The following ACBD5 variants were observed in gnomAD, a reference collection of about 807,000 sequenced individuals.
ACBD5 encodes the protein acyl-CoA binding domain containing 5.
Under a neutral mutation model 71.8 loss-of-function variants are expected in ACBD5, and 40 were observed. The observed-to-expected ratio is 0.56, with a 90% CI of 0.43 to 0.72. ACBD5 has a LOEUF of 0.72. Among genes scored for constraint, ACBD5 ranks in the 30% least tolerant of loss-of-function variants. The pLI is 0.00. For missense variants in ACBD5, 559 were observed against 644.5 expected (o/e 0.87, Z 1.44); for synonymous variants, 229 against 218.6 (o/e 1.05, Z -0.42).
intron 6 of ACBD5, 138 bp downstream of exon 6, chr10:27,219,585 A>G: frequency 8.5e-7 from 1 of 1,172,582 alleles, no homozygotes; most frequent in Non-Finnish European, 1.2e-6. Context: ...TTTGGTCCAC[A>G]GCAAACTTGT....
At chr10:27,219,944 T>A in intron 5 of ACBD5, 87 bp from the exon 6 acceptor site, 1 of 1,210,420 alleles carries the variant, frequency 8.3e-7, no homozygotes, top group Non-Finnish European at 1.1e-6. Context: ...AATTTACAAA[T>A]AACTAATAAA....
chr10:27,240,235 TAAAC>T lies in ACBD5; in HGVS notation c.181+80_181+83del, dbSNP rs1254944759. On this transcript the variant is annotated intron_variant, in intron 2 of 12. Transcript: ENST00000396271. This position sits in a 1 kb window ranked among gnomAD's most constrained non-coding sequence, Gnocchi z 4.1. ...CTCCTACACAGAAAAAAAGGCTAAA[TAAAC>T]AACACTAGAACCAGAAAGTGAAAGG... 1.2e-6 allele frequency: 2 copies of T among 1,609,076 alleles called. No individual in the cohort carries two copies. The highest frequency in any genetic ancestry group is 1.3e-5 in the African/African-American group (1 of 74,780).
rs551282400 is a variant in ACBD5, at chr10:27,196,361, G to T, written c.*1069C>A. 1 of 454,190 alleles carries T rather than the reference G, an allele frequency of 2.2e-6. No homozygotes were observed. The highest frequency in any genetic ancestry group is 1.6e-5 in the South Asian group (1 of 64,478). 28.1% of individuals were successfully genotyped at this position (454,190 alleles called of 1,614,324 possible). A position where few individuals can be genotyped will look rare whatever the true frequency, so the allele number is the denominator to read the frequency against. Reference sequence around the variant, plus strand: ...CTAGATGAGAGAGGTGGGGAAGAGGGACTTAAATTTCTGTTAGCTGGGCAT... The same window carrying T: ...CTAGATGAGAGAGGTGGGGAAGAGGTACTTAAATTTCTGTTAGCTGGGCAT... On this transcript the variant is annotated 3_prime_UTR_variant, in exon 13 of 13. Coordinates refer to ENST00000396271, the MANE Select transcript of ACBD5 (RefSeq NM_145698.5).
rs2797078 is a variant in ACBD5, at chr10:27,240,620, C to G, written c.15+54G>C. The stretch of plus-strand genomic sequence containing the variant: ...GCGGCCCGGCTCCTTCCTCCTCCCC[C>G]GGGGCGTGACTAAGGCCACGAATCC... On this transcript the variant is annotated intron_variant, in intron 1 of 12. Coordinates refer to ENST00000396271, the MANE Select transcript of ACBD5 (RefSeq NM_145698.5). The surrounding 1 kb of genome is among the most constrained non-coding windows in gnomAD (Gnocchi z 4.1). 6.4e-7 allele frequency: 1 copy of G among 1,550,526 alleles called. No individual in the cohort carries two copies. The highest frequency in any genetic ancestry group is 2.0e-5 in the Admixed American group (1 of 50,942).
chr10:27,217,145 CAAA>C (rs375519969), intron 7 of ACBD5, among the ~76,000 whole-genome samples: 1 of 83,228 alleles, frequency 1.2e-5, no homozygotes. Flanking sequence ...GACTCTGTCT[CAAA>C]AAAAAAAAAA....
At chr10:27,206,739 C>A (rs945509020) in intron 10 of ACBD5, among the ~76,000 whole-genome samples, 1 of 151,872 alleles carries the variant, frequency 6.6e-6, no homozygotes, top group Non-Finnish European at 1.5e-5. Context: ...TGGTATCGAA[C>A]TCCTGGCCTC....
upstream of ACBD5, among the ~76,000 whole-genome samples, chr10:27,241,626 G>T (rs2065503998): frequency 6.6e-6 from 1 of 152,132 alleles, no homozygotes; most frequent in African/African-American, 2.4e-5. Flanking sequence ...TCGATACTTT[G>T]AGAGGTCGAG....
At chr10:27,233,928 T>C (rs55872244) in intron 3 of ACBD5, among the ~76,000 whole-genome samples, 7,955 of 151,590 alleles carry the variant, frequency 0.052, 548 homozygotes, top group African/African-American at 0.16. Context: ...CCTGTAATCC[T>C]AGCTACTCAG....
chr10:27,221,682 G>A (rs1394304757), intron 5 of ACBD5, among the ~76,000 whole-genome samples: 3 of 151,904 alleles, frequency 2.0e-5, no homozygotes, highest in Non-Finnish European at 1.5e-5. Flanking sequence ...GGGAAGCTGA[G>A]TTGGGAGGAT....
Position 27,223,458 on chromosome 10 carries a change from A to T in ACBD5, c.376-6T>A, listed in dbSNP as rs1285700230. ...ATTGGCATAGTTTCAATAATCTGTA[A>T]TCAAAAGAAACAAATATTGTGAAAT... On this transcript the variant is annotated splice_region_variant and splice_polypyrimidine_tract_variant and intron_variant, in intron 4 of 12. Coordinates refer to ENST00000396271, the MANE Select transcript of ACBD5 (RefSeq NM_145698.5). The T allele has an allele frequency of 6.3e-7, 1 of 1,596,900 alleles. No homozygotes were observed. The highest frequency in any genetic ancestry group is 8.6e-7 in the Non-Finnish European group (1 of 1,166,330).
chr10:27,215,218 A>C (rs2061495491), intron 8 of ACBD5, among the ~76,000 whole-genome samples: 1 of 152,082 alleles, frequency 6.6e-6, no homozygotes, highest in Admixed American at 6.6e-5. Context: ...AACATTAATA[A>C]ATGTTTCAAA....
chr10:27,200,088 G>A (rs1035547511), intron 12 of ACBD5, among the ~76,000 whole-genome samples: 1 of 152,144 alleles, frequency 6.6e-6, no homozygotes, highest in Non-Finnish European at 1.5e-5. Flanking sequence ...TAGGAGCTGG[G>A]TAAAATGAGG....
At position 27,195,674 on chromosome 10, in the gene ACBD5, A is replaced by G. The variant is rs994931194; in HGVS notation, c.*1756T>C. 7.1e-6 allele frequency: 3 copies of G among 421,528 alleles called. No individual in the cohort carries two copies. The highest frequency in any genetic ancestry group is 6.3e-5 in the African/African-American group (3 of 47,914). The allele number at this position is 421,528 out of a possible 1,614,324, so 26.1% of individuals were successfully genotyped here. On this transcript the variant is annotated 3_prime_UTR_variant, in exon 13 of 13. Coordinates refer to ENST00000396271, the MANE Select transcript of ACBD5 (RefSeq NM_145698.5). ...ATAGGGAACACTTTTTTAAAAGCAA[A>G]TAGTAGTAGATCCCTTTAGACAGAC...
rs771449723 is a variant in ACBD5 at position 27,211,043 on chromosome 10, C to T, written c.975G>A (p.Gln325=). The change falls in exon 9 of 13, where the codon CAG becomes CAA. Residue 325 remains glutamine, a synonymous_variant. Transcript: ENST00000396271. ...GACTGGAATGACCACCCAAGTAATA[C>T]TGAAATGGTCCATTGTTGGACGTAA... ...DSFTSNNGPF[Q]YYLGGHSSQP... The T allele has an allele frequency of 1.3e-5, 21 of 1,614,098 alleles. No individual in the cohort carries two copies. Among genetic ancestry groups the T allele is most frequent in the Non-Finnish European group, 1.8e-5 (21 of 1,180,012 alleles).
At chr10:27,223,556 T>C in intron 4 of ACBD5, 104 bp from the exon 5 acceptor site, 1 of 855,366 alleles carries the variant, frequency 1.2e-6, no homozygotes, top group South Asian at 1.4e-5. Context: ...ATTTTAATAT[T>C]TGACATTCAT....
rs760305051 is a variant in ACBD5, at chr10:27,240,755, C to G, written c.-67G>C. 1 of 1,549,192 alleles carries G rather than the reference C, an allele frequency of 6.5e-7. No homozygotes were observed. Among genetic ancestry groups the G allele is most frequent in the South Asian group, 1.2e-5 (1 of 84,028 alleles). On this transcript the variant is annotated 5_prime_UTR_variant, in exon 1 of 13. Coordinates refer to ENST00000396271, the MANE Select transcript of ACBD5 (RefSeq NM_145698.5). The surrounding 1 kb of genome is among the most constrained non-coding windows in gnomAD (Gnocchi z 4.1). ...GGAGCCGCTCTCCCACCCTGGGGAC[C>G]CTGGCGGAGCAGCCACACCCCCCAT...
chr10:27,206,845 T>C (rs2060516717), intron 10 of ACBD5, among the ~76,000 whole-genome samples: 1 of 151,960 alleles, frequency 6.6e-6, no homozygotes, highest in African/African-American at 2.4e-5. Context: ...TCTTTCCTTA[T>C]ACACCTTCTT....
At chr10:27,213,692 G>A (rs1372980477) in intron 8 of ACBD5, among the ~76,000 whole-genome samples, 1 of 152,010 alleles carries the variant, frequency 6.6e-6, no homozygotes, top group Non-Finnish European at 1.5e-5. Flanking sequence ...AGGAGGCGGA[G>A]GTTGCAGTGA....
At chr10:27,205,062 G>A (rs2060331939) in intron 11 of ACBD5, 136 bp downstream of exon 11, 2 of 768,892 alleles carry the variant, frequency 2.6e-6, no homozygotes, top group African/African-American at 1.8e-5. Context: ...AGGAGGCAGA[G>A]CTTGCAGTGA....
Sources: allele counts gnomAD v4.1 joint callset (sites outside exome capture counted in the v4.1 genomes callset), GRCh38; gene constraint gnomAD v4.1.1; non-coding constraint Gnocchi (gnomAD v3.1); transcripts MANE v1.5; gene names NCBI Gene and HGNC (gene_info 2026-07-23, HGNC 2026-07-21).